Variants in NRG1 observed in about 807,000 individuals in gnomAD.
The protein encoded by NRG1 is neuregulin 1, also known as pro-neuregulin-1, membrane-bound isoform.
In NRG1, 18 loss-of-function variants were observed where a neutral mutation model predicts 63.8. The ratio of observed to expected loss-of-function variants is 0.28; its 90% confidence interval spans 0.19 to 0.42. The LOEUF is 0.42. NRG1 is among the 10% of genes least tolerant of loss of function. The pLI is 1.00. For missense variants in NRG1, 762 were observed against 814.7 expected (o/e 0.94, Z 0.79); for synonymous variants, 302 against 301.3 (o/e 1.00, Z -0.02).
At chr8:32,216,868 A>T (rs1421347105) in intron 1 of NRG1, among the ~76,000 whole-genome samples, 7 of 151,926 alleles carry the variant, frequency 4.6e-5, no homozygotes, top group Non-Finnish European at 5.9e-5. Flanking sequence ...CCAACTTTAG[A>T]TTATCATTTG....
At chr8:32,676,963 C>T (rs1456392785) in intron 5 of NRG1, among the ~76,000 whole-genome samples, 2 of 152,120 alleles carry the variant, frequency 1.3e-5, no homozygotes, top group South Asian at 4.1e-4. Flanking sequence ...TTATTGTCTC[C>T]TTGACTCTAA....
At chr8:32,390,217 T>C (rs536490762) in intron 1 of NRG1, among the ~76,000 whole-genome samples, 1 of 152,286 alleles carries the variant, frequency 6.6e-6, no homozygotes, top group South Asian at 2.1e-4. Context: ...CTGTCTCTTC[T>C]CTCTAACCCA....
intron 1 of NRG1, among the ~76,000 whole-genome samples, chr8:32,551,787 C>G (rs927573325): frequency 6.6e-6 from 1 of 152,106 alleles, no homozygotes; most frequent in Non-Finnish European, 1.5e-5. Context: ...ATCACTGATC[C>G]ACGTACCAAG....
chr8:32,291,720 T>A (rs1227357295), intron 1 of NRG1, among the ~76,000 whole-genome samples: 3 of 151,928 alleles, frequency 2.0e-5, no homozygotes, highest in African/African-American at 7.3e-5. Context: ...TTTGTTCGTA[T>A]TTTTAGTAGA....
chr8:32,608,107 G>GTTTTTTTTTTTT (rs1224928528), intron 3 of NRG1, among the ~76,000 whole-genome samples: 4 of 104,790 alleles, frequency 3.8e-5, no homozygotes, highest in Non-Finnish European at 5.6e-5. Flanking sequence ...TTTTTTTTTT[G>GTTTTTTTTTTTT]TTTTTTTTTT....
chr8:32,678,001 C>T (rs1177770648), intron 5 of NRG1, among the ~76,000 whole-genome samples: 1 of 152,144 alleles, frequency 6.6e-6, no homozygotes, highest in African/African-American at 2.4e-5. Context: ...AATTCAGATT[C>T]TATTTACAAA....
At chr8:32,284,990 A>G (rs919368461) in intron 1 of NRG1, among the ~76,000 whole-genome samples, 1 of 152,206 alleles carries the variant, frequency 6.6e-6, no homozygotes, top group African/African-American at 2.4e-5. Flanking sequence ...TTGCACCTGA[A>G]GCACTTCCAC....
Position 31,755,738 on chromosome 8 carries a change from C to G in NRG1, c.37+116307C>G, listed in dbSNP as rs115190725. ...ACTGCACTGCAGCAGCGCGTATTTACTTGCTCCCAGGGCTGTCCACTGTTA... is the reference window on the plus strand; with the variant it reads ...ACTGCACTGCAGCAGCGCGTATTTAGTTGCTCCCAGGGCTGTCCACTGTTA... On this transcript the variant is annotated intron_variant, in intron 1 of 10. Coordinates refer to the NRG1 transcript ENST00000519301. Among the ~76,000 whole-genome samples the G allele has an allele frequency of 4.6e-3, 703 of 152,222 alleles. 6 individuals are homozygous for G. Among genetic ancestry groups the G allele is most frequent in the African/African-American group, 0.016 (661 of 41,554 alleles).
intron 1 of NRG1, among the ~76,000 whole-genome samples, chr8:31,759,978 A>T (rs1817361214): frequency 6.6e-6 from 1 of 152,180 alleles, no homozygotes; most frequent in South Asian, 2.1e-4. Context: ...TAAATTGTAT[A>T]GAATTTTAAA....
At chr8:32,046,808 G>A (rs1174512055) in intron 1 of NRG1, among the ~76,000 whole-genome samples, 1 of 151,996 alleles carries the variant, frequency 6.6e-6, no homozygotes, top group East Asian at 1.9e-4. Flanking sequence ...AGCATGGGAG[G>A]TTTTGGGGGA....
intron 1 of NRG1, among the ~76,000 whole-genome samples, chr8:32,090,147 C>A (rs1326250749): frequency 6.6e-6 from 1 of 152,156 alleles, no homozygotes; most frequent in Non-Finnish European, 1.5e-5. Context: ...TTTCTTTAAA[C>A]CTGTTTCCTC....
intron 5 of NRG1, among the ~76,000 whole-genome samples, chr8:32,688,784 A>G (rs922673283): frequency 6.6e-6 from 1 of 152,208 alleles, no homozygotes. Flanking sequence ...AAATAAATGT[A>G]TATTTTCTTT....
intron 1 of NRG1, among the ~76,000 whole-genome samples, chr8:31,937,707 A>T (rs1323113465): frequency 6.6e-6 from 1 of 152,134 alleles, no homozygotes; most frequent in Non-Finnish European, 1.5e-5. Context: ...TTAGGACTGC[A>T]GGCTGCATGG....
At chr8:32,196,348 G>A (rs1421902126) in intron 1 of NRG1, among the ~76,000 whole-genome samples, 1 of 152,158 alleles carries the variant, frequency 6.6e-6, no homozygotes, top group Non-Finnish European at 1.5e-5. Context: ...ATAGGCTGAT[G>A]AGAGCGGAAG....
intron 1 of NRG1, among the ~76,000 whole-genome samples, chr8:31,641,070 G>A (rs1803724995): frequency 1.3e-5 from 2 of 152,212 alleles, no homozygotes; most frequent in African/African-American, 4.8e-5. Flanking sequence ...GTTAGGAGTT[G>A]CTGATTCTGG....
At chr8:32,170,252 C>T (rs1367814738) in intron 1 of NRG1, among the ~76,000 whole-genome samples, 1 of 152,072 alleles carries the variant, frequency 6.6e-6, no homozygotes, top group Non-Finnish European at 1.5e-5. Flanking sequence ...CTTCCTAGAC[C>T]CAAGTGGGGA....
At chr8:32,647,591 A>C in intron 5 of NRG1, 1 of 1,399,218 alleles carries the variant, frequency 7.1e-7, no homozygotes, top group Non-Finnish European at 9.3e-7. Flanking sequence ...TCTTGATTTT[A>C]ATAATGGCCT....
At position 32,418,229 on chromosome 8, in the gene NRG1, G is replaced by A. The variant is rs182711247; in HGVS notation, c.38-177599G>A. Among the ~76,000 whole-genome samples, 59 of 152,060 alleles carry A rather than the reference G, an allele frequency of 3.9e-4. No homozygotes were observed. The East Asian group carries it at 9.5e-3, about 24-fold the overall frequency. On this transcript the variant is annotated intron_variant, in intron 1 of 10. Coordinates refer to the NRG1 transcript ENST00000519301. ...GCTAATGGTATTCTTCTAGTCTAGTGCATTCAATTAAAATATAACGTGTGT... is the reference window on the plus strand; with the variant it reads ...GCTAATGGTATTCTTCTAGTCTAGTACATTCAATTAAAATATAACGTGTGT...
At chr8:31,975,583 G>A (rs1309271737) in intron 1 of NRG1, among the ~76,000 whole-genome samples, 1 of 152,140 alleles carries the variant, frequency 6.6e-6, no homozygotes, top group Non-Finnish European at 1.5e-5. Context: ...GAATGTGACA[G>A]TTTACAAAGA....
Sources: allele counts gnomAD v4.1 joint callset (sites outside exome capture counted in the v4.1 genomes callset), GRCh38; gene constraint gnomAD v4.1.1; transcripts MANE v1.5; gene names NCBI Gene and HGNC (gene_info 2026-07-23, HGNC 2026-07-21).